Variants in RIC1 observed in about 807,000 individuals in gnomAD.
RIC1 encodes guanine nucleotide exchange factor subunit RIC1.
RIC1 carries 88 observed loss-of-function variants against 169.0 expected under a neutral mutation model. That is an observed-to-expected ratio of 0.52 (90% CI 0.44 to 0.62). The LOEUF (loss-of-function observed/expected upper bound fraction) is 0.62, where lower values mean the gene tolerates loss of function less well. RIC1 is among the 20% of genes least tolerant of loss of function. The pLI, the probability that RIC1 is intolerant of heterozygous loss-of-function variation, is 0.00. For synonymous variants in RIC1, 790 were observed against 601.5 expected, an observed-to-expected ratio of 1.31 and a Z score of -4.59; for missense variants, 1,877 against 1,725.5, an observed-to-expected ratio of 1.09 and a Z score of -1.56.
intron 12 of RIC1, 63 bp from the exon 13 acceptor site, chr9:5,753,137 T>A (rs542669167): frequency 4.2e-6 from 6 of 1,432,534 alleles, no homozygotes; most frequent in Non-Finnish European, 5.9e-6. Context: ...GTGTGATAAC[T>A]TAATGCTTTA....
At chr9:5,755,611 T>C (rs1292894479) in intron 15 of RIC1, among the ~76,000 whole-genome samples, 3 of 152,150 alleles carry the variant, frequency 2.0e-5, no homozygotes, top group African/African-American at 7.2e-5. Context: ...GCTGGTCTTA[T>C]TATGTATCAG....
chr9:5,689,302 T>C (rs71498632), intron 2 of RIC1, among the ~76,000 whole-genome samples: 4,929 of 152,076 alleles, frequency 0.032, 83 homozygotes, highest in Non-Finnish European at 0.04. Flanking sequence ...CTGCCCGCCT[T>C]GGCCTCCCAA....
At chr9:5,707,979 G>T (rs1042573865) in intron 3 of RIC1, among the ~76,000 whole-genome samples, 3 of 151,792 alleles carry the variant, frequency 2.0e-5, no homozygotes, top group African/African-American at 7.3e-5. Context: ...TTTTGTTGTT[G>T]TTGTTGTTGT....
intron 3 of RIC1, among the ~76,000 whole-genome samples, chr9:5,691,976 A>T (rs1057172199): frequency 6.6e-6 from 1 of 151,958 alleles, no homozygotes; most frequent in Non-Finnish European, 1.5e-5. Flanking sequence ...TTCTTTTCTG[A>T]TTCTAAAACT....
Position 5,775,268 on chromosome 9 carries a change from G to A in RIC1, c.*1022G>A, listed in dbSNP as rs761837276. 5.3e-5 allele frequency: 8 copies of A among 152,002 alleles called. No individual in the cohort carries two copies. The highest frequency in any genetic ancestry group is 2.1e-4 in the South Asian group (1 of 4,824). The allele number at this position is 152,002 out of a possible 1,614,324, so 9.4% of individuals were successfully genotyped here. The stretch of plus-strand genomic sequence containing the variant: ...AGACTGCTGAATCCTGTATTACCAC[G>A]GCTACTAAAAATTAGTGTGTAAAGA... On this transcript the variant is annotated 3_prime_UTR_variant, in exon 26 of 26. Transcript: ENST00000414202.
intron 1 of RIC1, among the ~76,000 whole-genome samples, chr9:5,650,725 C>T (rs965397387): frequency 6.6e-6 from 1 of 152,096 alleles, no homozygotes; most frequent in Non-Finnish European, 1.5e-5. Context: ...GGTTTAGGCT[C>T]TCAGAAGTGT....
intron 3 of RIC1, among the ~76,000 whole-genome samples, chr9:5,703,408 C>G (rs145687355): frequency 3.5e-4 from 54 of 152,310 alleles, no homozygotes; most frequent in Admixed American, 2.0e-3. Flanking sequence ...ACAACTATCA[C>G]AATTACCTAG....
chr9:5,685,576 T>G (rs998321636), intron 2 of RIC1, among the ~76,000 whole-genome samples: 11 of 151,170 alleles, frequency 7.3e-5, no homozygotes, highest in Admixed American at 6.6e-4. Context: ...TAGCCATATG[T>G]AGAAAGCTGA....
chr9:5,732,343 T>C, intron 6 of RIC1, 45 bp from the exon 7 acceptor site: 1 of 1,428,012 alleles, frequency 7.0e-7, no homozygotes, highest in Non-Finnish European at 9.8e-7. Flanking sequence ...TACGGTAAAT[T>C]TGGAGAAACA....
chr9:5,730,107 A>C (rs916934056), intron 6 of RIC1, among the ~76,000 whole-genome samples: 2 of 152,200 alleles, frequency 1.3e-5, no homozygotes, highest in African/African-American at 4.8e-5. Context: ...AAATTACAAG[A>C]AAACAGTACC....
intron 1 of RIC1, among the ~76,000 whole-genome samples, chr9:5,630,794 A>T (rs1817680560): frequency 6.6e-6 from 1 of 152,218 alleles, no homozygotes; most frequent in Non-Finnish European, 1.5e-5. Context: ...GTAAATATAT[A>T]TAAAGTATCA....
Position 5,763,392 on chromosome 9 carries a change from C to T in RIC1, c.2365C>T (p.Leu789Phe). Reference protein sequence around the residue: ...LAVLFEDALVLGAVNDTLLYD... With the variant: ...LAVLFEDALVFGAVNDTLLYD... ...TGTTCTGTTTGAAGATGCTTTAGTCCTTGGTGCTGTCAATGACACTTTGCT... is the reference window on the plus strand; with the variant it reads ...TGTTCTGTTTGAAGATGCTTTAGTCTTTGGTGCTGTCAATGACACTTTGCT... The change falls in exon 19 of 26, where the codon CTT becomes TTT. Residue 789 changes from leucine to phenylalanine, a missense_variant. By Grantham distance (22) the Leu-to-Phe change is conservative (BLOSUM62 0). This residue lies in a region of RIC1 where 1,104 missense variants were observed against 992.0 expected (regional missense o/e 1.11). Transcript: ENST00000414202. This position sits in a 1 kb window ranked among gnomAD's most constrained non-coding sequence, Gnocchi z 5.2. 6.2e-7 allele frequency: 1 copy of T among 1,614,114 alleles called. No individual in the cohort carries two copies. The highest frequency in any genetic ancestry group is 8.5e-7 in the Non-Finnish European group (1 of 1,180,016).
At chr9:5,713,333 G>A (rs1405528187) in intron 3 of RIC1, 1 of 152,420 alleles carries the variant, frequency 6.6e-6, no homozygotes, top group Admixed American at 6.5e-5. Flanking sequence ...GCACTCTACT[G>A]CAGCTATTTG....
intron 4 of RIC1, among the ~76,000 whole-genome samples, chr9:5,715,939 C>G (rs1409296944): frequency 6.6e-6 from 1 of 152,030 alleles, no homozygotes; most frequent in African/African-American, 2.4e-5. Context: ...CCTCAGCCTC[C>G]TGGGCTCCAG....
At chr9:5,716,126 T>G (rs182211649) in intron 4 of RIC1, among the ~76,000 whole-genome samples, 1,642 of 152,170 alleles carry the variant, frequency 0.011, 11 homozygotes, top group Middle Eastern at 0.017. Context: ...TTGCAGGTGT[T>G]GAGCCACCAC....
At chr9:5,706,737 G>C (rs985030490) in intron 3 of RIC1, among the ~76,000 whole-genome samples, 4 of 152,114 alleles carry the variant, frequency 2.6e-5, no homozygotes, top group Admixed American at 1.3e-4. Flanking sequence ...TTAGCATTCA[G>C]TTGTTTACAA....
intron 21 of RIC1, among the ~76,000 whole-genome samples, chr9:5,766,809 G>A (rs952107546): frequency 4.6e-5 from 7 of 152,208 alleles, no homozygotes; most frequent in Non-Finnish European, 7.3e-5. Flanking sequence ...CTATAAACGT[G>A]TGTGCAAGTA....
intron 2 of RIC1, among the ~76,000 whole-genome samples, chr9:5,682,434 A>G (rs1418019956): frequency 2.0e-5 from 3 of 152,180 alleles, no homozygotes; most frequent in Non-Finnish European, 4.4e-5. Context: ...GTTTGGCTGG[A>G]TATGAAATTC....
chr9:5,698,043 A>C (rs1822007153), intron 3 of RIC1, among the ~76,000 whole-genome samples: 1 of 152,152 alleles, frequency 6.6e-6, no homozygotes, highest in Non-Finnish European at 1.5e-5. Context: ...AAACACTATA[A>C]TTAATTGCAT....
Sources: gnomAD v4.1 joint callset for allele counts (sites outside exome capture counted in the v4.1 genomes callset) on GRCh38, gnomAD v4.1.1 for gene constraint, gnomAD v4.1.1 regional missense constraint, Gnocchi (gnomAD v3.1) non-coding constraint, MANE v1.5 for transcripts, NCBI Gene and HGNC (gene_info 2026-07-23, HGNC 2026-07-21) for gene names.